ATR: variants seen among roughly 807,000 people sequenced by gnomAD.
ATR encodes the protein ATR checkpoint kinase.
In ATR, 142 loss-of-function variants were observed where a neutral mutation model predicts 305.3. The observed-to-expected ratio is 0.47, with a 90% CI of 0.41 to 0.53. ATR has a LOEUF of 0.53. ATR is among the 20% of genes least tolerant of loss of function. The pLI, the probability that ATR is intolerant of heterozygous loss-of-function variation, is 0.00. For synonymous variants in ATR, 1,050 were observed against 1,068.1 expected (o/e 0.98, Z 0.33); for missense variants, 2,135 against 3,133.1 (o/e 0.68, Z 7.60).
intron 7 of ATR, 47 bp from the exon 8 acceptor site, chr3:142,558,823 A>G (rs1362583737): frequency 1.3e-6 from 2 of 1,521,198 alleles, no homozygotes; most frequent in Admixed American, 1.7e-5. Flanking sequence ...TTCCTTAATC[A>G]TATCTCTTTT....
chr3:142,569,486 A>G (rs569890503), intron 1 of ATR, among the ~76,000 whole-genome samples: 2 of 151,854 alleles, frequency 1.3e-5, no homozygotes, highest in East Asian at 3.9e-4. Flanking sequence ...ACACCCAGCT[A>G]ATTTTTTGTA....
intron 5 of ATR, among the ~76,000 whole-genome samples, chr3:142,560,762 G>A (rs1428965953): frequency 6.6e-6 from 1 of 152,036 alleles, no homozygotes; most frequent in African/African-American, 2.4e-5. Context: ...GGGTTTCACC[G>A]TGTTAGCCAG....
chr3:142,533,205 G>A (rs1559970868), intron 21 of ATR, among the ~76,000 whole-genome samples: 1 of 152,138 alleles, frequency 6.6e-6, no homozygotes, highest in African/African-American at 2.4e-5. Flanking sequence ...TGAAGTGGGA[G>A]AATTGCTTGA....
Position 142,559,338 on chromosome 3 carries a change from T to C in ATR, c.1645A>G (p.Ser549Gly). The C allele has an allele frequency of 6.2e-7, 1 of 1,613,980 alleles. No homozygotes were observed. Among genetic ancestry groups the C allele is most frequent in the Non-Finnish European group, 8.5e-7 (1 of 1,179,888 alleles). The change falls in exon 7 of 47, where the codon AGT becomes GGT. Residue 549 changes from serine to glycine, a missense_variant. By Grantham distance (56) the Ser-to-Gly change is moderately conservative. This residue lies in a region of ATR where 744 missense variants were observed against 873.2 expected (regional missense o/e 0.85). Coordinates refer to ENST00000350721, the MANE Select transcript of ATR (RefSeq NM_001184.4). ...FYTKVLKSCR[S>G]LLESVQKLDL... ...AGTTTCTGAACAGATTCTAACAAACTTCTACAGCTCTTAAGCACTTTTGTG... is the reference window on the plus strand; with the variant it reads ...AGTTTCTGAACAGATTCTAACAAACCTCTACAGCTCTTAAGCACTTTTGTG...
In ATR at chr3:142,553,998, G is replaced by A. The variant is rs1334833221; in HGVS notation, c.2359C>T (p.His787Tyr). ...AAATCAAGATGCTTACAAAGATGAT[G>A]TAGATTATCTATGAAAGCTGAAGGA... ...PVKLAFIDNL[H>Y]HLCKHLDFRE... Residue 787 changes from histidine to tyrosine, a missense_variant, in exon 11 of 47, where the codon CAT (histidine) becomes TAT (tyrosine). Physicochemically the swap from His to Tyr is moderately conservative, Grantham distance 83. This residue lies in a region of ATR where 530 missense variants were observed against 766.8 expected (regional missense o/e 0.69). Coordinates refer to ENST00000350721, the MANE Select transcript of ATR (RefSeq NM_001184.4). 3 of 1,608,158 alleles carry A rather than the reference G, an allele frequency of 1.9e-6. No homozygotes were observed. Among genetic ancestry groups the A allele is most frequent in the Admixed American group, 1.7e-5 (1 of 59,680 alleles).
At chr3:142,462,189 G>C in intron 41 of ATR, 99 bp from the exon 42 acceptor site, 1 of 1,217,460 alleles carries the variant, frequency 8.2e-7, no homozygotes, top group Non-Finnish European at 1.2e-6. Flanking sequence ...CATAACCAAA[G>C]AATGTCATTG....
chr3:142,578,584 C>A, intron 1 of ATR, 62 bp downstream of exon 1: 1 of 1,556,042 alleles, frequency 6.4e-7, no homozygotes, highest in Non-Finnish European at 8.8e-7. Context: ...GGGGAGAGCA[C>A]GTGAAACCCA....
At chr3:142,561,498 A>C in intron 4 of ATR, 77 bp from the exon 5 acceptor site, 1 of 1,434,038 alleles carries the variant, frequency 7.0e-7, no homozygotes, top group Admixed American at 2.0e-5. Context: ...GCAAGAATGT[A>C]TTAGATGTTA....
chr3:142,505,384 T>A (rs573574233), intron 28 of ATR, 81 bp from the exon 29 acceptor site: 91 of 1,534,622 alleles, frequency 5.9e-5, no homozygotes, highest in Non-Finnish European at 7.9e-5. Flanking sequence ...CCTGTTTATA[T>A]TGAAACAGCA....
At chr3:142,487,798 G>A (rs969084889) in intron 35 of ATR, among the ~76,000 whole-genome samples, 3 of 152,148 alleles carry the variant, frequency 2.0e-5, no homozygotes, top group Non-Finnish European at 4.4e-5. Context: ...TTTTTGTTAT[G>A]TTTAAGAAGT....
At chr3:142,538,235 C>A (rs781024269) in intron 19 of ATR, among the ~76,000 whole-genome samples, 23 of 152,102 alleles carry the variant, frequency 1.5e-4, no homozygotes, top group Non-Finnish European at 3.2e-4. Context: ...TACACATTTA[C>A]AGAATTAATG....
At position 142,566,220 on chromosome 3, in the gene ATR, A is replaced by C. The variant is rs1276858295; in HGVS notation, c.193T>G (p.Ser65Ala). 3 of 1,614,058 alleles carry C rather than the reference A, an allele frequency of 1.9e-6. No individual in the cohort carries two copies. The highest frequency in any genetic ancestry group is 2.2e-5 in the South Asian group (2 of 91,082). ...LVKKTDSQPTSVMLLDFIQHI... is the reference protein window; with the variant it reads ...LVKKTDSQPTAVMLLDFIQHI... The stretch of plus-strand genomic sequence containing the variant: ...TGGATGAAATCAAGCAACATCACGG[A>C]GGTTGGCTGAGAGTCAGTTTTCTTT... Residue 65 changes from serine (S) to alanine (A), a missense_variant, in exon 3 of 47, where the codon TCC becomes GCC. This residue lies in a region of ATR where 744 missense variants were observed against 873.2 expected (regional missense o/e 0.85). Transcript: ENST00000350721.
chr3:142,567,380 A>G (rs2035109626), intron 2 of ATR, among the ~76,000 whole-genome samples: 1 of 152,222 alleles, frequency 6.6e-6, no homozygotes, highest in Non-Finnish European at 1.5e-5. Context: ...CACATCTTGT[A>G]AGTATTCAGT....
chr3:142,572,842 C>A (rs2035320446), intron 1 of ATR, among the ~76,000 whole-genome samples: 2 of 151,986 alleles, frequency 1.3e-5, no homozygotes, highest in South Asian at 2.1e-4. Flanking sequence ...GAAAAAAAAA[C>A]AACTCTTCAA....
At chr3:142,508,793 G>A (rs574736256) in intron 27 of ATR, among the ~76,000 whole-genome samples, 4 of 151,946 alleles carry the variant, frequency 2.6e-5, no homozygotes, top group Admixed American at 6.6e-5. Context: ...GCGTGGTGAC[G>A]GGTGCCTTTA....
chr3:142,564,150 T>C (rs958693250), intron 3 of ATR, among the ~76,000 whole-genome samples: 16 of 151,610 alleles, frequency 1.1e-4, no homozygotes, highest in Admixed American at 7.9e-4. Flanking sequence ...ACATTGTTTT[T>C]TAGACATAAT....
chr3:142,512,534 T>C, intron 26 of ATR, 64 bp from the exon 27 acceptor site: 2 of 1,332,162 alleles, frequency 1.5e-6, no homozygotes, highest in South Asian at 3.2e-5. Flanking sequence ...TTATATGACA[T>C]CTAAAGCTAA....
intron 27 of ATR, among the ~76,000 whole-genome samples, chr3:142,508,868 G>C (rs2032394569): frequency 6.8e-6 from 1 of 146,586 alleles, no homozygotes; most frequent in Non-Finnish European, 1.5e-5. Context: ...AGCTTGCAGT[G>C]AGCTGAGATC....
chr3:142,502,566 A>G (rs1384154106), intron 30 of ATR, among the ~76,000 whole-genome samples: 2 of 152,140 alleles, frequency 1.3e-5, no homozygotes, highest in Non-Finnish European at 2.9e-5. Flanking sequence ...CCTCAGTATC[A>G]CGTAATATGC....
Sources: gnomAD v4.1 joint callset for allele counts (sites outside exome capture counted in the v4.1 genomes callset) on GRCh38, gnomAD v4.1.1 for gene constraint, gnomAD v4.1.1 regional missense constraint, MANE v1.5 for transcripts, NCBI Gene and HGNC (gene_info 2026-07-23, HGNC 2026-07-21) for gene names.